FAM81B: variants seen among roughly 807,000 people sequenced by gnomAD.
FAM81B encodes the protein family with sequence similarity 81 member B.
A neutral mutation model predicts 58.7 loss-of-function variants in FAM81B; 60 were observed. The observed-to-expected ratio is 1.02, with a 90% CI of 0.83 to 1.27. FAM81B has a LOEUF of 1.27. Ranked by LOEUF, FAM81B falls within the 50% of genes most tolerant of loss-of-function variation. FAM81B has a pLI of 0.00. For missense variants in FAM81B, 491 were observed against 522.0 expected, an observed-to-expected ratio of 0.94 and a Z score of 0.58; for synonymous variants, 189 against 179.6, an observed-to-expected ratio of 1.05 and a Z score of -0.42.
chr5:95,431,689 A>C (rs1366436338), intron 6 of FAM81B, among the ~76,000 whole-genome samples: 1 of 151,862 alleles, frequency 6.6e-6, no homozygotes, highest in Non-Finnish European at 1.5e-5. Context: ...TTTCTTATTA[A>C]ATGTATTTTG....
At chr5:95,420,579 G>A (rs986747183) in intron 5 of FAM81B, among the ~76,000 whole-genome samples, 177 bp downstream of exon 5, 3 of 152,180 alleles carry the variant, frequency 2.0e-5, no homozygotes, top group African/African-American at 7.2e-5. Context: ...CTAGCGGTGA[G>A]ATTCAAAGTT....
rs77367879 is a variant in FAM81B, at chr5:95,428,584, A to G, written c.657-19A>G. ...GTTATAAAGGTATTGATCCACACCA[A>G]TTTCCATCTTGCCATTAGATGTGAT... On this transcript the variant is annotated intron_variant, in intron 5 of 9. Transcript: ENST00000283357. The G allele has an allele frequency of 0.029, 47,561 of 1,613,418 alleles. 1,142 individuals are homozygous for G. Among genetic ancestry groups the G allele is most frequent in the African/African-American group, 0.1 (7,561 of 75,008 alleles).
chr5:95,393,661 T>C (rs1761889815), intron 2 of FAM81B, among the ~76,000 whole-genome samples: 2 of 152,194 alleles, frequency 1.3e-5, no homozygotes, highest in South Asian at 2.1e-4. Flanking sequence ...CTATAAAAAA[T>C]AGTCATCTTA....
chr5:95,417,696 C>T (rs1464932417), intron 4 of FAM81B, among the ~76,000 whole-genome samples: 1 of 151,982 alleles, frequency 6.6e-6, no homozygotes, highest in African/African-American at 2.4e-5. Context: ...GAAAAGAGAG[C>T]CTGGTTTGTA....
chr5:95,444,531 T>C (rs1034406661), intron 7 of FAM81B, among the ~76,000 whole-genome samples: 1 of 152,196 alleles, frequency 6.6e-6, no homozygotes, highest in African/African-American at 2.4e-5. Context: ...GGAGTCTACG[T>C]ATCCAGTGGG....
chr5:95,421,486 G>A (rs1265935498), intron 5 of FAM81B, among the ~76,000 whole-genome samples: 1 of 152,226 alleles, frequency 6.6e-6, no homozygotes, highest in Admixed American at 6.5e-5. Flanking sequence ...GTATTTTGGA[G>A]AAGGCATTTT....
intron 7 of FAM81B, among the ~76,000 whole-genome samples, chr5:95,437,530 G>A (rs770251320): frequency 4.3e-4 from 65 of 152,076 alleles, no homozygotes; most frequent in Non-Finnish European, 7.5e-4. Context: ...AGTAGAGACC[G>A]GGTTTCTCCA....
chr5:95,440,248 A>G, intron 7 of FAM81B: 1 of 721,922 alleles, frequency 1.4e-6, no homozygotes, highest in Non-Finnish European at 2.5e-6. Context: ...GAATATGGAG[A>G]TAATGCTGAA....
chr5:95,428,198 A>C lies in FAM81B; in HGVS notation c.657-405A>C, dbSNP rs114388359. Among the ~76,000 whole-genome samples the C allele has an allele frequency of 5.5e-3, 843 of 152,312 alleles. 9 individuals are homozygous for C. Among genetic ancestry groups the C allele is most frequent in the African/African-American group, 0.019 (786 of 41,562 alleles). On this transcript the variant is annotated intron_variant, in intron 5 of 9. Transcript: ENST00000283357. ...GCCAAGAAAAGAGGATAAAGAGAGG[A>C]AAGTGGATTTAGAACATGATATATA...
At chr5:95,436,979 GA>G in intron 7 of FAM81B, 73 bp downstream of exon 7, 2 of 1,190,498 alleles carry the variant, frequency 1.7e-6, no homozygotes, top group African/African-American at 1.5e-5. Context: ...GCATTGGCAT[GA>G]AATAAAAACC....
chr5:95,397,497 G>A (rs2731822), intron 3 of FAM81B, among the ~76,000 whole-genome samples: 51,189 of 152,046 alleles, frequency 0.34, 8,877 homozygotes, highest in Middle Eastern at 0.41. Flanking sequence ...CTTCTGATCC[G>A]TCAAATTCTA....
intron 8 of FAM81B, among the ~76,000 whole-genome samples, chr5:95,447,232 C>T (rs773208004): frequency 4.6e-5 from 7 of 152,144 alleles, no homozygotes; most frequent in Non-Finnish European, 7.4e-5. Flanking sequence ...CACACCTTAC[C>T]CAATGGGAAG....
chr5:95,408,593 C>A (rs1762327348), intron 3 of FAM81B, among the ~76,000 whole-genome samples: 1 of 152,214 alleles, frequency 6.6e-6, no homozygotes, highest in Admixed American at 6.5e-5. Context: ...GTAGTATGAA[C>A]TTCAGACTGC....
chr5:95,449,128 T>C (rs946128858), intron 9 of FAM81B, among the ~76,000 whole-genome samples: 1 of 152,162 alleles, frequency 6.6e-6, no homozygotes, highest in Non-Finnish European at 1.5e-5. Context: ...CTAGAGAAAG[T>C]CCCAAGTAAT....
intron 3 of FAM81B, among the ~76,000 whole-genome samples, chr5:95,399,547 A>G (rs1762053139): frequency 6.6e-6 from 1 of 151,120 alleles, no homozygotes; most frequent in East Asian, 1.9e-4. Flanking sequence ...GGGATTGGGC[A>G]TTACCCATAG....
intron 3 of FAM81B, chr5:95,406,442 A>G (rs539446169): frequency 1.3e-5 from 2 of 152,442 alleles, no homozygotes; most frequent in Non-Finnish European, 1.5e-5. Flanking sequence ...CAGCCCTTCA[A>G]AGTTGTCCAG....
chr5:95,420,572 G>C (rs925754611), intron 5 of FAM81B, among the ~76,000 whole-genome samples, 170 bp downstream of exon 5: 5 of 152,184 alleles, frequency 3.3e-5, no homozygotes, highest in African/African-American at 1.2e-4. Flanking sequence ...CCTCACGCTA[G>C]CGGTGAGATT....
intron 4 of FAM81B, among the ~76,000 whole-genome samples, chr5:95,416,294 A>G (rs1359583115): frequency 6.6e-6 from 1 of 152,260 alleles, no homozygotes; most frequent in Non-Finnish European, 1.5e-5. Flanking sequence ...TTCAAGTGTG[A>G]GCTAAAGCTT....
chr5:95,427,954 C>T (rs1233889864), intron 5 of FAM81B, among the ~76,000 whole-genome samples: 1 of 152,190 alleles, frequency 6.6e-6, no homozygotes, highest in Non-Finnish European at 1.5e-5. Context: ...CACCAGAATT[C>T]CTTCCCTAAA....
Sources: allele counts gnomAD v4.1 joint callset (sites outside exome capture counted in the v4.1 genomes callset), GRCh38; gene constraint gnomAD v4.1.1; transcripts MANE v1.5; gene names NCBI Gene and HGNC (gene_info 2026-07-23, HGNC 2026-07-21).